EBF2: variants seen among roughly 807,000 people sequenced by gnomAD.
EBF2 encodes the protein transcription factor COE2.
Under a neutral mutation model 72.8 loss-of-function variants are expected in EBF2, and 21 were observed. The ratio of observed to expected loss-of-function variants is 0.29; its 90% CI spans 0.20 to 0.42. EBF2 has a LOEUF of 0.42. Among genes scored for constraint, EBF2 ranks in the 10% least tolerant of loss-of-function variants. The pLI is 1.00. For synonymous variants in EBF2, 299 were observed against 274.2 expected (o/e 1.09, Z -0.89); for missense variants, 637 against 731.2 (o/e 0.87, Z 1.49).
chr8:26,005,545 T>TAATATATA (rs1344179104), intron 6 of EBF2, among the ~76,000 whole-genome samples: 2 of 22,376 alleles, frequency 8.9e-5, no homozygotes, highest in South Asian at 1.9e-3. Flanking sequence ...ATATATTTTA[T>TAATATATA]ATATATATAT....
chr8:25,989,741 T>G (rs1804515575), intron 6 of EBF2, among the ~76,000 whole-genome samples: 1 of 152,206 alleles, frequency 6.6e-6, no homozygotes, highest in South Asian at 2.1e-4. Context: ...GATGGGCACA[T>G]GAGTCTCCCG....
At chr8:25,922,583 A>C (rs531351985) in intron 6 of EBF2, among the ~76,000 whole-genome samples, 1 of 152,370 alleles carries the variant, frequency 6.6e-6, no homozygotes, top group Admixed American at 6.5e-5. Context: ...TATCATTATT[A>C]AGTCAACACA....
chr8:25,916,518 A>G (rs1803219571), intron 6 of EBF2, among the ~76,000 whole-genome samples: 1 of 152,026 alleles, frequency 6.6e-6, no homozygotes, highest in Admixed American at 6.6e-5. Flanking sequence ...TCCAGACAAA[A>G]TTATTCCAGA....
chr8:25,932,108 T>C (rs968374611), intron 6 of EBF2, among the ~76,000 whole-genome samples: 12 of 152,124 alleles, frequency 7.9e-5, no homozygotes, highest in Admixed American at 5.2e-4. Context: ...TATGATGTAG[T>C]GGAACAAACC....
intron 8 of EBF2, among the ~76,000 whole-genome samples, chr8:25,889,339 A>G (rs1171273430): frequency 6.6e-6 from 1 of 152,226 alleles, no homozygotes; most frequent in Non-Finnish European, 1.5e-5. Context: ...TTGTCCAAGC[A>G]AACAAAAATC....
At chr8:25,858,855 T>A (rs1458611336) in intron 13 of EBF2, among the ~76,000 whole-genome samples, 1 of 151,846 alleles carries the variant, frequency 6.6e-6, no homozygotes, top group Non-Finnish European at 1.5e-5. Flanking sequence ...GAGACGGGAA[T>A]TCACCATGTT....
At chr8:25,990,097 T>C (rs62499110) in intron 6 of EBF2, among the ~76,000 whole-genome samples, 47,806 of 151,870 alleles carry the variant, frequency 0.31, 8,527 homozygotes, top group Admixed American at 0.43. Flanking sequence ...CAAAGACATC[T>C]TACTGAAACT....
intron 6 of EBF2, among the ~76,000 whole-genome samples, chr8:25,915,539 A>G (rs1481543258): frequency 6.6e-6 from 1 of 152,120 alleles, no homozygotes; most frequent in Non-Finnish European, 1.5e-5. Flanking sequence ...AGATATTCAG[A>G]AAACAAAACT....
At chr8:25,929,960 G>A (rs1267621232) in intron 6 of EBF2, among the ~76,000 whole-genome samples, 1 of 152,222 alleles carries the variant, frequency 6.6e-6, no homozygotes, top group Non-Finnish European at 1.5e-5. Flanking sequence ...GGTGGCTGAT[G>A]CGGGAGCCGA....
intron 6 of EBF2, among the ~76,000 whole-genome samples, chr8:25,910,137 T>C (rs944657760): frequency 6.6e-6 from 1 of 152,200 alleles, no homozygotes; most frequent in Non-Finnish European, 1.5e-5. Context: ...GTAGCATCTC[T>C]GCCCGGGTCG....
intron 6 of EBF2, among the ~76,000 whole-genome samples, chr8:26,013,484 G>A (rs934702251): frequency 1.4e-4 from 21 of 152,072 alleles, no homozygotes; most frequent in South Asian, 6.3e-4. Flanking sequence ...TATATCAGGC[G>A]GTTCTAATCA....
At chr8:25,878,174 C>T (rs1433640482) in intron 10 of EBF2, among the ~76,000 whole-genome samples, 1 of 152,200 alleles carries the variant, frequency 6.6e-6, no homozygotes, top group Non-Finnish European at 1.5e-5. Context: ...ACTCACTCTG[C>T]ACCTTTTAAA....
At position 26,044,806 on chromosome 8, in the gene EBF2, C is replaced by T; in HGVS notation, c.54G>A (p.Ser18=). ...LGRGPTLKEK[S]LGAEMDSVRS... Reference sequence around the variant, plus strand: ...TGACCGAATCCATCTCCGCGCCCAGCGATTTCTCTTTCAGAGTTGGTCCTC... The same window carrying T: ...TGACCGAATCCATCTCCGCGCCCAGTGATTTCTCTTTCAGAGTTGGTCCTC... The change falls in exon 1 of 16, where the codon TCG becomes TCA. Residue 18 remains serine (S), a synonymous_variant. Coordinates refer to ENST00000520164, the MANE Select transcript of EBF2 (RefSeq NM_022659.4). The surrounding 1 kb of genome is among the most constrained non-coding windows in gnomAD (Gnocchi z 4.1). 1 of 1,614,124 alleles carries T rather than the reference C, an allele frequency of 6.2e-7. No individual in the cohort carries two copies. The highest frequency in any genetic ancestry group is 1.1e-5 in the South Asian group (1 of 91,074).
intron 6 of EBF2, among the ~76,000 whole-genome samples, chr8:25,919,555 C>T (rs1177172142): frequency 6.6e-6 from 1 of 152,140 alleles, no homozygotes; most frequent in African/African-American, 2.4e-5. Flanking sequence ...AAAGAAATTT[C>T]TGAAGAATGG....
Position 26,042,083 on chromosome 8 carries a change from C to G in EBF2, c.288+12G>C, listed in dbSNP as rs758049918. On this transcript the variant is annotated intron_variant, in intron 2 of 15. Coordinates refer to ENST00000520164, the MANE Select transcript of EBF2 (RefSeq NM_022659.4). ...ATTAGGCCGCGGGGTTTGGGGGGTA[C>G]TTTCCGCTTACTTTGTCATTCTCCA... The G allele has an allele frequency of 3.1e-6, 5 of 1,612,748 alleles. No homozygotes were observed. Among genetic ancestry groups the G allele is most frequent in the East Asian group, 2.2e-5 (1 of 44,832 alleles).
At chr8:25,992,760 A>G (rs1055967301) in intron 6 of EBF2, among the ~76,000 whole-genome samples, 1 of 151,846 alleles carries the variant, frequency 6.6e-6, no homozygotes, top group African/African-American at 2.4e-5. Flanking sequence ...AAAAATTAGC[A>G]GGGCTTGGTG....
chr8:25,900,572 T>C (rs1802935326), intron 7 of EBF2, among the ~76,000 whole-genome samples: 1 of 152,140 alleles, frequency 6.6e-6, no homozygotes, highest in African/African-American at 2.4e-5. Context: ...CTAGCATGAC[T>C]CTGTAAATTA....
At chr8:25,924,534 A>C (rs548967864) in intron 6 of EBF2, among the ~76,000 whole-genome samples, 19 of 152,360 alleles carry the variant, frequency 1.2e-4, no homozygotes, top group Non-Finnish European at 1.5e-5. Flanking sequence ...AGCTGATTAC[A>C]TCAGGAAGGA....
chr8:25,874,578 C>G (rs1021699508), intron 10 of EBF2, among the ~76,000 whole-genome samples: 4 of 152,128 alleles, frequency 2.6e-5, no homozygotes, highest in African/African-American at 9.7e-5. Flanking sequence ...CTGCATGTAC[C>G]TGGGCCAGCT....
Sources: gnomAD v4.1 joint callset for allele counts (sites outside exome capture counted in the v4.1 genomes callset) on GRCh38, gnomAD v4.1.1 for gene constraint, Gnocchi (gnomAD v3.1) non-coding constraint, MANE v1.5 for transcripts, NCBI Gene and HGNC (gene_info 2026-07-23, HGNC 2026-07-21) for gene names.